Variants in EYS observed in about 807,000 individuals in gnomAD.
EYS encodes the protein protein eyes shut homolog.
Under a neutral mutation model 282.1 loss-of-function variants are expected in EYS, and 250 were observed. The observed-to-expected ratio is 0.89, with a 90% CI of 0.80 to 0.98. EYS has a LOEUF of 0.98. EYS is among the 50% of genes least tolerant of loss of function. The probability of loss-of-function intolerance (pLI) is 0.00; values close to 1 mark genes in which losing one functional copy is unlikely to be tolerated. For missense variants in EYS, 4,016 were observed against 3,709.0 expected, an observed-to-expected ratio of 1.08 and a Z score of -2.15; for synonymous variants, 1,355 against 1,282.9, an observed-to-expected ratio of 1.06 and a Z score of -1.20.
chr6:64,474,234 T>C (rs1776201139), intron 26 of EYS, among the ~76,000 whole-genome samples: 2 of 152,168 alleles, frequency 1.3e-5, no homozygotes, highest in Non-Finnish European at 2.9e-5. Context: ...GATGTTTCAG[T>C]GACTTCTATA....
At chr6:64,908,867 A>C (rs1767908902) in intron 16 of EYS, among the ~76,000 whole-genome samples, 1 of 152,086 alleles carries the variant, frequency 6.6e-6, no homozygotes, top group African/African-American at 2.4e-5. Flanking sequence ...TATATGTAAA[A>C]TAGGTGAAGG....
intron 22 of EYS, among the ~76,000 whole-genome samples, chr6:64,797,950 C>G (rs55634364): frequency 6.6e-6 from 1 of 151,816 alleles, no homozygotes; most frequent in South Asian, 2.1e-4. Flanking sequence ...TTTTCAAATG[C>G]TATTTAATAT....
chr6:65,468,623 T>C (rs1765094120), intron 5 of EYS, among the ~76,000 whole-genome samples: 1 of 152,046 alleles, frequency 6.6e-6, no homozygotes, highest in South Asian at 2.1e-4. Context: ...TTTTAAGTAT[T>C]TGGGTGCCTT....
At chr6:64,634,031 T>C (rs899446229) in intron 22 of EYS, among the ~76,000 whole-genome samples, 1 of 152,184 alleles carries the variant, frequency 6.6e-6, no homozygotes, top group Admixed American at 6.5e-5. Context: ...ACATCCAGGC[T>C]GGAGAGCAGT....
chr6:65,258,336 T>G (rs1342607987), intron 12 of EYS, among the ~76,000 whole-genome samples: 2 of 152,048 alleles, frequency 1.3e-5, no homozygotes, highest in African/African-American at 4.8e-5. Context: ...CAAAGTAATT[T>G]GATCCAAAAT....
Position 63,762,606 on chromosome 6 carries a change from T to A in EYS, c.7926A>T (p.Gly2642=). ...VYCNCTTGWK[G]SFCTETVSTC... is the part of the protein sequence containing the mutation. ...TAGAAACTGTCTCTGTGCAGAATGA[T>A]CCTTTCCACCCAGTGGTACAATTGC... Residue 2642 remains glycine, a synonymous_variant, in exon 41 of 43, where the codon GGA becomes GGT. Coordinates refer to ENST00000503581, the MANE Select transcript of EYS (RefSeq NM_001142800.2). The A allele has an allele frequency of 6.5e-7, 1 of 1,550,132 alleles. No individual in the cohort carries two copies. The highest frequency in any genetic ancestry group is 8.7e-7 in the Non-Finnish European group (1 of 1,145,966).
At chr6:65,566,993 C>G (rs1764286013) in intron 2 of EYS, among the ~76,000 whole-genome samples, 1 of 152,026 alleles carries the variant, frequency 6.6e-6, no homozygotes, top group Non-Finnish European at 1.5e-5. Context: ...AACTTACTCC[C>G]CAGTTCAAGT....
At chr6:64,289,870 C>A (rs558507901) in intron 30 of EYS, among the ~76,000 whole-genome samples, 37 of 152,072 alleles carry the variant, frequency 2.4e-4, no homozygotes, top group African/African-American at 7.0e-4. Flanking sequence ...TTATATAGTG[C>A]CTTAGCGCAC....
At chr6:64,784,097 A>C (rs955192502) in intron 22 of EYS, among the ~76,000 whole-genome samples, 5 of 152,074 alleles carry the variant, frequency 3.3e-5, no homozygotes, top group African/African-American at 1.2e-4. Context: ...CAACTATCCC[A>C]ACACTTAAGT....
At chr6:65,338,521 C>A (rs530812549) in intron 10 of EYS, among the ~76,000 whole-genome samples, 1 of 150,870 alleles carries the variant, frequency 6.6e-6, no homozygotes, top group Non-Finnish European at 1.5e-5. Context: ...GAATAGGGGT[C>A]GGCAACCCTA....
intron 22 of EYS, among the ~76,000 whole-genome samples, chr6:64,662,274 C>G (rs915418505): frequency 1.3e-5 from 2 of 150,952 alleles, no homozygotes; most frequent in African/African-American, 4.9e-5. Flanking sequence ...AGGAGATATA[C>G]CTAATGTTAA....
intron 12 of EYS, among the ~76,000 whole-genome samples, chr6:65,130,141 A>G (rs9453198): frequency 0.028 from 4,292 of 151,840 alleles, 155 homozygotes; most frequent in African/African-American, 0.086. Flanking sequence ...GAAAAAATAG[A>G]CACTGGAGCC....
intron 36 of EYS, among the ~76,000 whole-genome samples, chr6:63,823,337 C>T (rs548736273): frequency 2.6e-5 from 4 of 152,056 alleles, no homozygotes; most frequent in Admixed American, 6.5e-5. Context: ...TTAATACATA[C>T]GATGAAATAC....
intron 30 of EYS, among the ~76,000 whole-genome samples, chr6:64,305,801 C>T (rs963794985): frequency 1.3e-5 from 2 of 152,072 alleles, no homozygotes; most frequent in African/African-American, 2.4e-5. Flanking sequence ...GAAAAAGGCT[C>T]ACAACATAGA....
intron 26 of EYS, among the ~76,000 whole-genome samples, chr6:64,589,317 T>C (rs1766326461): frequency 6.6e-6 from 1 of 152,056 alleles, no homozygotes; most frequent in South Asian, 2.1e-4. Context: ...CCTAAAACCT[T>C]TTAAACGTTG....
chr6:64,985,146 A>C (rs1770812522), intron 14 of EYS, among the ~76,000 whole-genome samples: 1 of 151,518 alleles, frequency 6.6e-6, no homozygotes, highest in Non-Finnish European at 1.5e-5. Context: ...ATCACATGTC[A>C]TCCCTGAAAA....
At chr6:64,351,726 T>C (rs1468052835) in intron 29 of EYS, among the ~76,000 whole-genome samples, 2 of 151,694 alleles carry the variant, frequency 1.3e-5, no homozygotes, top group African/African-American at 4.8e-5. Flanking sequence ...TGAGGATTTC[T>C]AGGGGAACAA....
At chr6:64,913,212 G>A (rs1039856433) in intron 15 of EYS, among the ~76,000 whole-genome samples, 31 of 152,182 alleles carry the variant, frequency 2.0e-4, no homozygotes, top group Admixed American at 1.8e-3. Flanking sequence ...TTGGCTTTGT[G>A]TGTGTGTTGA....
At chr6:64,100,471 T>A (rs1199048409) in intron 31 of EYS, among the ~76,000 whole-genome samples, 2 of 152,180 alleles carry the variant, frequency 1.3e-5, no homozygotes, top group Non-Finnish European at 2.9e-5. Context: ...ACAGCCAAAA[T>A]CCTTTGGAGT....
Sources: allele counts gnomAD v4.1 joint callset (sites outside exome capture counted in the v4.1 genomes callset), GRCh38; gene constraint gnomAD v4.1.1; transcripts MANE v1.5; gene names NCBI Gene and HGNC (gene_info 2026-07-23, HGNC 2026-07-21).